Variants in COQ7 observed in about 807,000 individuals in gnomAD.
The protein encoded by COQ7 is coenzyme Q7, hydroxylase.
A neutral mutation model predicts 25.0 loss-of-function variants in COQ7; 21 were observed. The ratio of observed to expected loss-of-function variants is 0.84; its 90% confidence interval spans 0.60 to 1.21. COQ7 has a LOEUF of 1.21. Among genes scored for constraint, COQ7 ranks in the 50% most tolerant of loss-of-function variants. The pLI, the probability that COQ7 is intolerant of heterozygous loss-of-function variation, is 0.00. For missense variants in COQ7, 311 were observed against 296.2 expected (o/e 1.05, Z -0.37); for synonymous variants, 125 against 112.4 (o/e 1.11, Z -0.71).
rs780006089 is a variant in COQ7 at position 19,075,829 on chromosome 16, AG to A, written c.478del (p.Asp160ThrfsTer11). The A allele has an allele frequency of 2.1e-5, 34 of 1,614,102 alleles. No individual in the cohort carries two copies. The highest frequency in any genetic ancestry group is 2.7e-5 in the Non-Finnish European group (32 of 1,180,028). ...YNNQIRTLME[E>X]DPEKYEELLQ... Reference sequence around the variant, plus strand: ...AACCAGATCAGGACGCTGATGGAGGAGGACCCTGAAAAATACGAGGAACTTC... The same window carrying A: ...AACCAGATCAGGACGCTGATGGAGGAGACCCTGAAAAATACGAGGAACTTC... On this transcript the variant is annotated frameshift_variant, in exon 4 of 6. Transcript: ENST00000321998. LOFTEE classifies it high-confidence loss of function.
chr16:19,075,999 G>C (rs1962818939), intron 4 of COQ7, 139 bp downstream of exon 4: 1 of 1,111,048 alleles, frequency 9.0e-7, no homozygotes, highest in Non-Finnish European at 1.3e-6. Flanking sequence ...GTTTAAAGGT[G>C]AGCAAACTGA....
rs780858177 is a variant in COQ7 at position 19,077,290 on chromosome 16, CTT to C, written c.508-12_508-11del. On this transcript the variant is annotated splice_polypyrimidine_tract_variant and intron_variant, in intron 4 of 5. Coordinates refer to ENST00000321998, the MANE Select transcript of COQ7 (RefSeq NM_016138.5). ...TTGGAAGGCTAACTTGCTTTGGTGT[CTT>C]TTTATTTAACCAGCTGATAAAGAAA... 7.8e-5 allele frequency: 126 copies of C among 1,612,888 alleles called. 1 individual carries two copies. In the East Asian group the frequency reaches 2.5e-3, roughly 32 times the overall value.
At chr16:19,067,788 A>C (rs527269629) in intron 1 of COQ7, 51 bp downstream of exon 1, 1 of 1,574,532 alleles carries the variant, frequency 6.4e-7, no homozygotes, top group Non-Finnish European at 8.5e-7. Context: ...CGAGCTAGGG[A>C]ATTTTCGCTT....
chr16:19,070,944 A>G (rs1962523975), intron 1 of COQ7, among the ~76,000 whole-genome samples: 1 of 152,190 alleles, frequency 6.6e-6, no homozygotes, highest in Non-Finnish European at 1.5e-5. Context: ...AATATAATTA[A>G]GGTGTTAAGG....
In COQ7 at chr16:19,078,992, A is replaced by C. The variant is rs988449194; in HGVS notation, c.*834A>C. 1 of 152,168 alleles carries C rather than the reference A, an allele frequency of 6.6e-6. No homozygotes were observed. The highest frequency in any genetic ancestry group is 6.6e-5 in the Admixed American group (1 of 15,264). The allele number at this position is 152,168 out of a possible 1,614,324, so 9.4% of individuals were successfully genotyped here. A position where few individuals can be genotyped will look rare whatever the true frequency, so the allele number is the denominator to read the frequency against. ...GTATGTCTGTGTCTCCCTAGAATTC[A>C]TACGATGAAATCTTCACTCTCAAGT... On this transcript the variant is annotated 3_prime_UTR_variant, in exon 6 of 6. Coordinates refer to ENST00000321998, the MANE Select transcript of COQ7 (RefSeq NM_016138.5).
Position 19,067,646 on chromosome 16 carries a change from G to C in COQ7, c.-19G>C, listed in dbSNP as rs1363324966. 1.2e-6 allele frequency: 2 copies of C among 1,611,034 alleles called. No homozygotes were observed. The highest frequency in any genetic ancestry group is 1.1e-5 in the South Asian group (1 of 91,042). ...GCCAGTTCCGTTCAACGAAGTGGTT[G>C]CTTTTTTTAGTTCCGGCAATGAGTT... On this transcript the variant is annotated 5_prime_UTR_variant, in exon 1 of 6. Coordinates refer to ENST00000321998, the MANE Select transcript of COQ7 (RefSeq NM_016138.5).
rs1962970601 is a variant in COQ7 at position 19,078,319 on chromosome 16, T to G, written c.*161T>G. ...TTTTTTTTAAACTCTGCAGTGTTGA[T>G]TTTTCTCTGGGTTGTTTTTTCTGCC... is the stretch of plus-strand genomic sequence containing the variant. On this transcript the variant is annotated 3_prime_UTR_variant, in exon 6 of 6. Transcript: ENST00000321998. 5.6e-6 allele frequency: 3 copies of G among 533,780 alleles called. No homozygotes were observed. The highest frequency in any genetic ancestry group is 7.3e-5 in the South Asian group (2 of 27,474). The allele number at this position is 533,780 out of a possible 1,614,324, so 33.1% of individuals were successfully genotyped here. A position where few individuals can be genotyped will look rare whatever the true frequency, so the allele number is the denominator to read the frequency against.
chr16:19,072,644 A>G (rs1290439065), intron 2 of COQ7, among the ~76,000 whole-genome samples: 1 of 152,176 alleles, frequency 6.6e-6, no homozygotes, highest in South Asian at 2.1e-4. Context: ...TCTGGCCCAT[A>G]AAGGTCAAGT....
rs1388635770 is a variant in COQ7 at position 19,079,270 on chromosome 16, T to C, written c.*1112T>C. On this transcript the variant is annotated 3_prime_UTR_variant, in exon 6 of 6. Coordinates refer to ENST00000321998, the MANE Select transcript of COQ7 (RefSeq NM_016138.5). The stretch of plus-strand genomic sequence containing the variant: ...TTTGATGTTTATAAGCCACCCAGAC[T>C]GTGGTATTTTGTTATAGCAGCCTGA... The C allele has an allele frequency of 6.6e-6, 1 of 152,156 alleles. No individual in the cohort carries two copies. Among genetic ancestry groups the C allele is most frequent in the East Asian group, 1.9e-4 (1 of 5,190 alleles). 9.4% of individuals were successfully genotyped at this position (152,156 alleles called of 1,614,324 possible). A position where few individuals can be genotyped will look rare whatever the true frequency, so the allele number is the denominator to read the frequency against.
intron 3 of COQ7, among the ~76,000 whole-genome samples, chr16:19,075,299 T>C (rs1962775429): frequency 6.6e-6 from 1 of 151,524 alleles, no homozygotes; most frequent in Non-Finnish European, 1.5e-5. Flanking sequence ...ACCTCCCGGC[T>C]TCAAGCGATT....
chr16:19,075,809 G>C lies in COQ7; in HGVS notation c.456G>C (p.Gln152His). 1 of 1,614,142 alleles carries C rather than the reference G, an allele frequency of 6.2e-7. No individual in the cohort carries two copies. The highest frequency in any genetic ancestry group is 8.5e-7 in the Non-Finnish European group (1 of 1,179,992). ...EESIAHHYNN[Q>H]IRTLMEEDPE... is the part of the protein sequence containing the mutation. ...GCATAGCACATCACTACAACAACCAGATCAGGACGCTGATGGAGGAGGACC... is the reference window on the plus strand; with the variant it reads ...GCATAGCACATCACTACAACAACCACATCAGGACGCTGATGGAGGAGGACC... Residue 152 changes from glutamine (Q) to histidine (H), a missense_variant, in exon 4 of 6, where the codon CAG becomes CAC. Physicochemically the swap from Gln to His is conservative, Grantham distance 24. Transcript: ENST00000321998.
At chr16:19,071,727 TAAAGTG>T in intron 1 of COQ7, 195 bp from the exon 2 acceptor site, 1 of 599,778 alleles carries the variant, frequency 1.7e-6, no homozygotes, top group Non-Finnish European at 2.9e-6. Flanking sequence ...TTCATACACT[TAAAGTG>T]AAACCAGAAA....
At chr16:19,070,779 A>T (rs12599763) in intron 1 of COQ7, among the ~76,000 whole-genome samples, 83,958 of 151,708 alleles carry the variant, frequency 0.55, 24,896 homozygotes, top group East Asian at 0.81. Flanking sequence ...ACCAGTGCAG[A>T]TCGAAGCTAC....
chr16:19,068,801 C>A, intron 1 of COQ7: 1 of 440,142 alleles, frequency 2.3e-6, no homozygotes, highest in Non-Finnish European at 4.5e-6. Context: ...AGCTATGTCC[C>A]ATTTAAAAAT....
At chr16:19,077,590 C>CTTTTTTTTTTTCTTTTTTT (rs1962919390) in intron 5 of COQ7, among the ~76,000 whole-genome samples, 2 of 74,378 alleles carry the variant, frequency 2.7e-5, no homozygotes, top group Non-Finnish European at 5.2e-5. Flanking sequence ...TCCCCAGAAG[C>CTTTTTTTTTTTCTTTTTTT]TTTTTTTTTT....
rs571301498 is a variant in COQ7 at position 19,079,063 on chromosome 16, A to T, written c.*905A>T. ...GGGAAGTGTGAGGTCATGAGAGTGG[A>T]GCCCTCATGAATGGGATCAGTGCCT... On this transcript the variant is annotated 3_prime_UTR_variant, in exon 6 of 6. Coordinates refer to ENST00000321998, the MANE Select transcript of COQ7 (RefSeq NM_016138.5). 1.8e-4 allele frequency: 28 copies of T among 152,272 alleles called. No homozygotes were observed. Among genetic ancestry groups the T allele is most frequent in the African/African-American group, 5.5e-4 (23 of 41,560 alleles). 9.4% of individuals were successfully genotyped at this position (152,272 alleles called of 1,614,324 possible). A position where few individuals can be genotyped will look rare whatever the true frequency, so the allele number is the denominator to read the frequency against.
rs1435039503 is a variant in COQ7 at position 19,068,869 on chromosome 16, C to T, written c.73+1132C>T. 3 of 443,476 alleles carry T rather than the reference C, an allele frequency of 6.8e-6. No individual in the cohort carries two copies. The Admixed American group carries it at 7.5e-5, about 11-fold the overall frequency. 27.5% of individuals were successfully genotyped at this position (443,476 alleles called of 1,614,324 possible). A position where few individuals can be genotyped will look rare whatever the true frequency, so the allele number is the denominator to read the frequency against. ...GTGAATGGGAAGCCAGTGCCACTTG[C>T]CACAAATGGGTGAGTAATCATTAAA... On this transcript the variant is annotated intron_variant, in intron 1 of 5. Transcript: ENST00000321998.
intron 4 of COQ7, among the ~76,000 whole-genome samples, chr16:19,076,369 A>G (rs746060255): frequency 6.0e-5 from 9 of 149,254 alleles, no homozygotes; most frequent in South Asian, 2.1e-4. Context: ...TGCTAGAATT[A>G]TAGGCATGAA....
intron 4 of COQ7, among the ~76,000 whole-genome samples, chr16:19,076,660 G>A (rs760729573): frequency 7.6e-6 from 1 of 132,120 alleles, no homozygotes; most frequent in Non-Finnish European, 1.5e-5. Context: ...AGTGGTCTCC[G>A]CCTGCATTGC....
Sources: gnomAD v4.1 joint callset for allele counts (sites outside exome capture counted in the v4.1 genomes callset) on GRCh38, gnomAD v4.1.1 for gene constraint, MANE v1.5 for transcripts, NCBI Gene and HGNC (gene_info 2026-07-23, HGNC 2026-07-21) for gene names.